Variants in GALNT13 observed in about 807,000 individuals in gnomAD.
GALNT13 encodes polypeptide N-acetylgalactosaminyltransferase 13.
A neutral mutation model predicts 64.2 loss-of-function variants in GALNT13; 28 were observed. The observed-to-expected ratio is 0.44, with a 90% CI of 0.32 to 0.60. GALNT13 has a LOEUF of 0.60. GALNT13 is among the 20% of genes least tolerant of loss of function. The probability of loss-of-function intolerance (pLI) is 0.05; values close to 1 mark genes in which losing one functional copy is unlikely to be tolerated. For synonymous variants in GALNT13, 214 were observed against 224.6 expected (o/e 0.95, Z 0.42); for missense variants, 577 against 669.8 (o/e 0.86, Z 1.53).
chr2:154,297,870 T>C (rs1693019355), intron 8 of GALNT13, among the ~76,000 whole-genome samples: 2 of 151,444 alleles, frequency 1.3e-5, no homozygotes, highest in Admixed American at 6.6e-5. Flanking sequence ...CCATATACTA[T>C]CAATTGGAAA....
At chr2:153,871,043 CTAA>C (rs1685892687), upstream of GALNT13, among the ~76,000 whole-genome samples, 1 of 152,144 alleles carries the variant, frequency 6.6e-6, no homozygotes, top group East Asian at 1.9e-4. Flanking sequence ...CTTTGAGACG[CTAA>C]TAATGTCTGC....
chr2:153,642,420 ACAAAT>A, the GALNT13 span, among the ~76,000 whole-genome samples: 1 of 152,046 alleles, frequency 6.6e-6, no homozygotes, highest in African/African-American at 2.4e-5. Context: ...AATAGAGCAG[ACAAAT>A]ACTATAAAAA....
At chr2:153,589,702 C>G in the GALNT13 span, among the ~76,000 whole-genome samples, 60,737 of 151,996 alleles carry the variant, frequency 0.4, 13,336 homozygotes, top group South Asian at 0.59. Context: ...CACAAGCAAA[C>G]AGAGACAACT....
chr2:153,780,001 C>G, the GALNT13 span, among the ~76,000 whole-genome samples: 1 of 151,712 alleles, frequency 6.6e-6, no homozygotes, highest in African/African-American at 2.4e-5. Context: ...TTTTCTGACA[C>G]CATGCATGAT....
At position 154,089,908 on chromosome 2, in the gene GALNT13, A is replaced by G. The variant is rs547502721; in HGVS notation, c.143-50429A>G. ...AGATTCTGCCATCATTCTAGAAACC[A>G]TCTCTTTGCTGCCTACATTATTAAC... On this transcript the variant is annotated intron_variant, in intron 3 of 12. Transcript: ENST00000392825. 5.9e-5 allele frequency among the ~76,000 whole-genome samples: 9 copies of G among 151,416 alleles called. No homozygotes were observed. In the South Asian group the frequency reaches 1.5e-3, roughly 25 times the overall value.
the GALNT13 span, among the ~76,000 whole-genome samples, chr2:153,186,572 A>AT: frequency 0.019 from 2,741 of 143,950 alleles, 54 homozygotes; most frequent in Middle Eastern, 0.054. Context: ...TTCAGTGAGT[A>AT]TTTTTTTTTT....
At chr2:154,062,108 A>G (rs1700217938) in intron 3 of GALNT13, among the ~76,000 whole-genome samples, 1 of 152,112 alleles carries the variant, frequency 6.6e-6, no homozygotes. Context: ...CATTTGTAAG[A>G]TATTTTCTCT....
chr2:153,572,610 G>A, the GALNT13 span, among the ~76,000 whole-genome samples: 4 of 151,810 alleles, frequency 2.6e-5, no homozygotes, highest in South Asian at 8.3e-4. Context: ...TATTGCTTTT[G>A]CTGTATCCCA....
the GALNT13 span, among the ~76,000 whole-genome samples, chr2:153,797,901 T>C: frequency 1.3e-5 from 2 of 152,146 alleles, no homozygotes; most frequent in Non-Finnish European, 2.9e-5. Context: ...GCCTTCTATA[T>C]TTTACTGTGT....
chr2:154,157,287 G>A (rs541203757), intron 4 of GALNT13, among the ~76,000 whole-genome samples: 11 of 152,116 alleles, frequency 7.2e-5, no homozygotes, highest in African/African-American at 2.4e-4. Context: ...TGAATACATC[G>A]TCCATGTTTC....
At chr2:153,628,669 A>T in the GALNT13 span, among the ~76,000 whole-genome samples, 217 of 152,204 alleles carry the variant, frequency 1.4e-3, no homozygotes, top group African/African-American at 5.1e-3. Context: ...CGTATATTGA[A>T]CCAGCCTTGC....
At chr2:154,426,484 G>A (rs939982434) in intron 11 of GALNT13, among the ~76,000 whole-genome samples, 1 of 152,186 alleles carries the variant, frequency 6.6e-6, no homozygotes, top group Admixed American at 6.5e-5. Context: ...GAAACCTTCG[G>A]TCATCTGCAA....
At chr2:153,350,605 A>T in the GALNT13 span, among the ~76,000 whole-genome samples, 1 of 151,336 alleles carries the variant, frequency 6.6e-6, no homozygotes, top group Non-Finnish European at 1.5e-5. Context: ...CTGGTCTCGA[A>T]CTCCTGACTT....
chr2:153,285,325 G>T, the GALNT13 span, among the ~76,000 whole-genome samples: 1 of 152,102 alleles, frequency 6.6e-6, no homozygotes, highest in Non-Finnish European at 1.5e-5. Flanking sequence ...TAGGGATACA[G>T]AGCTAAACCA....
At chr2:153,320,070 C>G in the GALNT13 span, among the ~76,000 whole-genome samples, 1 of 152,158 alleles carries the variant, frequency 6.6e-6, no homozygotes, top group Non-Finnish European at 1.5e-5. Context: ...GGGTTGCACT[C>G]TTCATCAATG....
intron 3 of GALNT13, among the ~76,000 whole-genome samples, chr2:154,055,902 C>T (rs1230158424): frequency 6.6e-6 from 1 of 152,022 alleles, no homozygotes; most frequent in African/African-American, 2.4e-5. Flanking sequence ...GTATAACTGT[C>T]TCCTGGGTCA....
chr2:154,055,304 C>A (rs1251820254), intron 3 of GALNT13, among the ~76,000 whole-genome samples: 1 of 151,626 alleles, frequency 6.6e-6, no homozygotes, highest in Non-Finnish European at 1.5e-5. Context: ...TCTTTTTTTT[C>A]TTCTTAATTG....
the GALNT13 span, among the ~76,000 whole-genome samples, chr2:153,817,643 A>G: frequency 6.6e-6 from 1 of 152,202 alleles, no homozygotes; most frequent in Non-Finnish European, 1.5e-5. Context: ...CCCCTATTGC[A>G]AGATCTCTCT....
At chr2:154,222,964 G>GA (rs1480351706) in intron 4 of GALNT13, among the ~76,000 whole-genome samples, 10 of 151,980 alleles carry the variant, frequency 6.6e-5, no homozygotes, top group Admixed American at 5.9e-4. Context: ...AATAAATTAA[G>GA]AAAAAAATGC....
Sources: gnomAD v4.1 joint callset for allele counts (sites outside exome capture counted in the v4.1 genomes callset) on GRCh38, gnomAD v4.1.1 for gene constraint, MANE v1.5 for transcripts, NCBI Gene and HGNC (gene_info 2026-07-23, HGNC 2026-07-21) for gene names.